The following SORL1 variants were observed in gnomAD, a reference collection of about 807,000 sequenced individuals.
The protein encoded by SORL1 is sortilin related receptor 1, also known as sortilin-related receptor.
SORL1 carries 127 observed loss-of-function variants against 273.7 expected under a neutral mutation model. That is an observed-to-expected ratio of 0.46 (90% CI 0.40 to 0.54). The LOEUF (loss-of-function observed/expected upper bound fraction) is 0.54. Ranked by LOEUF, SORL1 falls within the 20% of genes least tolerant of loss-of-function variation. SORL1 has a pLI of 0.00. For synonymous variants in SORL1, 1,031 were observed against 1,067.4 expected, an observed-to-expected ratio of 0.97 and a Z score of 0.66; for missense variants, 2,494 against 2,846.1, an observed-to-expected ratio of 0.88 and a Z score of 2.81.
chr11:121,560,957 A>G (rs1323069050), intron 21 of SORL1, among the ~76,000 whole-genome samples: 1 of 152,210 alleles, frequency 6.6e-6, no homozygotes, highest in East Asian at 1.9e-4. Context: ...TAGAGGAGGC[A>G]CCTGTTTTAG....
Position 121,629,688 on chromosome 11 carries a change from AAAC to A in SORL1, c.*128_*130del. The A allele has an allele frequency of 3.3e-6, 2 of 597,110 alleles. No individual in the cohort carries two copies. The highest frequency in any genetic ancestry group is 6.0e-6 in the Non-Finnish European group (2 of 335,302). 37.0% of individuals were successfully genotyped at this position (597,110 alleles called of 1,614,324 possible). ...TATTTTTATATGGGCCAAAAACAAA[AAAC>A]AAAAAAAAAAAAAAGGAAAGAAAGG... On this transcript the variant is annotated 3_prime_UTR_variant, in exon 48 of 48. Coordinates refer to ENST00000260197, the MANE Select transcript of SORL1 (RefSeq NM_003105.6).
chr11:121,539,678 A>G (rs1167912302), intron 12 of SORL1, among the ~76,000 whole-genome samples: 2 of 150,674 alleles, frequency 1.3e-5, no homozygotes, highest in Non-Finnish European at 3.0e-5. Flanking sequence ...CTTTTTTTTT[A>G]CTAACGAAGT....
At chr11:121,478,457 GC>G (rs1459896237) in intron 3 of SORL1, among the ~76,000 whole-genome samples, 1 of 152,188 alleles carries the variant, frequency 6.6e-6, no homozygotes, top group Non-Finnish European at 1.5e-5. Flanking sequence ...GACTGGTCAG[GC>G]AGGATTTCTA....
At chr11:121,603,456 T>C (rs1372958501) in intron 32 of SORL1, among the ~76,000 whole-genome samples, 1 of 152,238 alleles carries the variant, frequency 6.6e-6, no homozygotes, top group Non-Finnish European at 1.5e-5. Flanking sequence ...CATTTGCAAT[T>C]ATACGGTCAT....
At chr11:121,588,498 G>A (rs1019061835) in intron 28 of SORL1, among the ~76,000 whole-genome samples, 13 of 152,128 alleles carry the variant, frequency 8.5e-5, no homozygotes, top group African/African-American at 2.7e-4. Context: ...CACTCCCAGC[G>A]TGCCGTAGCC....
At chr11:121,495,929 C>A (rs577810898) in intron 5 of SORL1, among the ~76,000 whole-genome samples, 32 of 152,248 alleles carry the variant, frequency 2.1e-4, no homozygotes, top group Non-Finnish European at 2.9e-4. Flanking sequence ...GAAGCTCAGA[C>A]AAATACATAA....
chr11:121,523,394 G>A (rs1259825530), intron 11 of SORL1, among the ~76,000 whole-genome samples: 1 of 151,964 alleles, frequency 6.6e-6, no homozygotes, highest in Non-Finnish European at 1.5e-5. Context: ...TTATTATTTT[G>A]TATATTATTG....
At chr11:121,545,477 C>T (rs1464087652) in intron 14 of SORL1, 48 bp downstream of exon 14, 1 of 1,571,564 alleles carries the variant, frequency 6.4e-7, no homozygotes, top group Admixed American at 1.7e-5. Flanking sequence ...TTTATTCACT[C>T]AGCAGTGTTG....
intron 45 of SORL1, among the ~76,000 whole-genome samples, chr11:121,623,447 G>C (rs1259251554): frequency 6.6e-6 from 1 of 152,248 alleles, no homozygotes; most frequent in Non-Finnish European, 1.5e-5. Flanking sequence ...CAACGTGCAT[G>C]AAGAATTTGT....
At chr11:121,497,418 C>T (rs2134824408) in intron 6 of SORL1, among the ~76,000 whole-genome samples, 1 of 152,276 alleles carries the variant, frequency 6.6e-6, no homozygotes, top group East Asian at 1.9e-4. Context: ...AATCCCACTG[C>T]CTGATTTCCT....
Position 121,513,576 on chromosome 11 carries a change from A to G in SORL1, c.1041+472A>G, listed in dbSNP as rs371695610. On this transcript the variant is annotated intron_variant, in intron 7 of 47. Transcript: ENST00000260197. ...ATGCTTAAATATGCAGCTTTATAAC[A>G]TGAAGATGGATAGGAAAAGTCTGCA... is the stretch of plus-strand genomic sequence containing the variant. 1.1e-4 allele frequency among the ~76,000 whole-genome samples: 17 copies of G among 152,340 alleles called. No individual in the cohort carries two copies. The East Asian group carries it at 1.7e-3, about 16-fold the overall frequency.
chr11:121,619,666 G>T, intron 42 of SORL1, 87 bp from the exon 43 acceptor site: 1 of 1,055,196 alleles, frequency 9.5e-7, no homozygotes, highest in Non-Finnish European at 1.4e-6. Context: ...TTTAATTGTT[G>T]TCATTATTTT....
rs377111493 is a variant in SORL1 at position 121,516,248 on chromosome 11, A to T, written c.1211+1927A>T. Among the ~76,000 whole-genome samples, 17 of 152,328 alleles carry T rather than the reference A, an allele frequency of 1.1e-4. No homozygotes were observed. In the East Asian group the frequency reaches 3.1e-3, roughly 28 times the overall value. Reference sequence around the variant, plus strand: ...CAGAGATACAGGCCAGTAGGGATGGATGTTGGCTGGACCCAGGGTGGTCAC... The same window carrying T: ...CAGAGATACAGGCCAGTAGGGATGGTTGTTGGCTGGACCCAGGGTGGTCAC... On this transcript the variant is annotated intron_variant, in intron 8 of 47. Transcript: ENST00000260197.
At chr11:121,526,722 A>G (rs527922657) in intron 11 of SORL1, among the ~76,000 whole-genome samples, 115 of 152,110 alleles carry the variant, frequency 7.6e-4, no homozygotes, top group Non-Finnish European at 1.4e-3. Context: ...CTGTAAATGG[A>G]ATTTTATTTT....
At chr11:121,529,828 T>C (rs1226080042) in intron 11 of SORL1, among the ~76,000 whole-genome samples, 1 of 152,230 alleles carries the variant, frequency 6.6e-6, no homozygotes, top group African/African-American at 2.4e-5. Context: ...TGTATTTGAA[T>C]TTAGGCCTAA....
rs1565346849 is a variant in SORL1 at position 121,589,901 on chromosome 11, A to G, written c.4079-139A>G. Reference sequence around the variant, plus strand: ...GTATTTTTTGTTCCCCATTGGGTCCATGAAGCTGCCTTATCTCTTTATGGG... The same window carrying G: ...GTATTTTTTGTTCCCCATTGGGTCCGTGAAGCTGCCTTATCTCTTTATGGG... On this transcript the variant is annotated intron_variant, in intron 29 of 47. Transcript: ENST00000260197. 9.1e-6 allele frequency: 9 copies of G among 986,066 alleles called. No individual in the cohort carries two copies. The East Asian group carries it at 1.4e-4, about 16-fold the overall frequency. The allele number at this position is 986,066 out of a possible 1,614,324, so 61.1% of individuals were successfully genotyped here.
In SORL1 at chr11:121,596,198, A is replaced by C. The variant is rs1205639389; in HGVS notation, c.4519+426A>C. ...GAGGGTTTGCCTCTAGCACCCCATTAAGAAAATTCATTCTCAGTCCTTAGG... is the reference window on the plus strand; with the variant it reads ...GAGGGTTTGCCTCTAGCACCCCATTCAGAAAATTCATTCTCAGTCCTTAGG... On this transcript the variant is annotated intron_variant, in intron 32 of 47. Coordinates refer to ENST00000260197, the MANE Select transcript of SORL1 (RefSeq NM_003105.6). The surrounding 1 kb of genome is among the most constrained non-coding windows in gnomAD (Gnocchi z 4.3). Among the ~76,000 whole-genome samples, 2 of 152,190 alleles carry C rather than the reference A, an allele frequency of 1.3e-5. No individual in the cohort carries two copies. The highest frequency in any genetic ancestry group is 4.8e-5 in the African/African-American group (2 of 41,442).
intron 32 of SORL1, 123 bp from the exon 33 acceptor site, chr11:121,604,070 C>A: frequency 2.5e-6 from 3 of 1,214,082 alleles, no homozygotes; most frequent in Non-Finnish European, 3.5e-6. Context: ...ACTGGTCATT[C>A]CAGAGGTGTG....
intron 21 of SORL1, among the ~76,000 whole-genome samples, chr11:121,559,925 T>C (rs1004187992): frequency 3.9e-5 from 6 of 152,188 alleles, no homozygotes; most frequent in Non-Finnish European, 5.9e-5. Context: ...CCTGACTGAT[T>C]GGTGGCGCGG....
Sources: allele counts gnomAD v4.1 joint callset (sites outside exome capture counted in the v4.1 genomes callset), GRCh38; gene constraint gnomAD v4.1.1; non-coding constraint Gnocchi (gnomAD v3.1); transcripts MANE v1.5; gene names NCBI Gene and HGNC (gene_info 2026-07-23, HGNC 2026-07-21).